The following CCND3 variants were observed in gnomAD, a reference collection of about 807,000 sequenced individuals.
The protein encoded by CCND3 is cyclin D3.
CCND3 carries 9 observed loss-of-function variants against 28.7 expected under a neutral mutation model. The observed-to-expected ratio is 0.31, with a 90% CI of 0.19 to 0.55. The LOEUF is 0.55. CCND3 is among the 20% of genes least tolerant of loss of function. The pLI, the probability that CCND3 is intolerant of heterozygous loss-of-function variation, is 0.93. For missense variants in CCND3, 315 were observed against 385.8 expected, an observed-to-expected ratio of 0.82 and a Z score of 1.54; for synonymous variants, 164 against 163.9, an observed-to-expected ratio of 1.00 and a Z score of 0.00.
In CCND3 at chr6:41,935,564, T is replaced by A. The variant is rs1195506853; in HGVS notation, c.*376A>T. On this transcript the variant is annotated 3_prime_UTR_variant, in exon 5 of 5. Coordinates refer to ENST00000372991, the MANE Select transcript of CCND3 (RefSeq NM_001760.5). ...CAATAACCCTAGAAGGGACAACACC[T>A]TTAGAAGGCACTAGAGCATTTTGGC... The A allele has an allele frequency of 4.5e-6, 2 of 442,936 alleles. No individual in the cohort carries two copies. Among genetic ancestry groups the A allele is most frequent in the Admixed American group, 3.5e-5 (1 of 28,228 alleles). The allele number at this position is 442,936 out of a possible 1,614,324, so 27.4% of individuals were successfully genotyped here. A position where few individuals can be genotyped will look rare whatever the true frequency, so the allele number is the denominator to read the frequency against.
At chr6:41,983,448 C>A (rs1005657588) in intron 1 of CCND3, among the ~76,000 whole-genome samples, 1 of 151,522 alleles carries the variant, frequency 6.6e-6, no homozygotes, top group Non-Finnish European at 1.5e-5. Flanking sequence ...TTAACATATC[C>A]ATAACATATA....
intron 1 of CCND3, among the ~76,000 whole-genome samples, chr6:42,015,033 A>G (rs944838502): frequency 5.9e-5 from 9 of 152,238 alleles, no homozygotes; most frequent in African/African-American, 2.2e-4. Context: ...AATAGCAAAT[A>G]TACATGTACA....
chr6:41,988,699 CTTTTTTTTTT>C (rs758582662), intron 1 of CCND3, among the ~76,000 whole-genome samples: 2 of 96,730 alleles, frequency 2.1e-5, no homozygotes, highest in Non-Finnish European at 4.6e-5. Flanking sequence ...AACTTCTTTT[CTTTTTTTTTT>C]TTTTTTTGAG....
chr6:41,935,618 G>GC lies in CCND3; in HGVS notation c.*321_*322insG. 5.8e-6 allele frequency: 2 copies of GC among 346,600 alleles called. No homozygotes were observed. The highest frequency in any genetic ancestry group is 9.8e-6 in the Non-Finnish European group (2 of 203,702). The allele number at this position is 346,600 out of a possible 1,614,324, so 21.5% of individuals were successfully genotyped here. A position where few individuals can be genotyped will look rare whatever the true frequency, so the allele number is the denominator to read the frequency against. On this transcript the variant is annotated 3_prime_UTR_variant, in exon 5 of 5. Transcript: ENST00000372991. The stretch of plus-strand genomic sequence containing the variant: ...TGAAAACATGAGAGCCCCCAGGGGT[G>GC]GGGGGGGGCGTTCAAAAGGAATGCT...
chr6:41,954,409 G>A (rs1776390987), intron 1 of CCND3, among the ~76,000 whole-genome samples: 1 of 151,110 alleles, frequency 6.6e-6, no homozygotes, highest in Non-Finnish European at 1.5e-5. Flanking sequence ...AATTTAGCCG[G>A]GTGTTGTGGC....
At chr6:41,973,651 TTGC>T (rs1266897220) in intron 1 of CCND3, among the ~76,000 whole-genome samples, 2 of 152,210 alleles carry the variant, frequency 1.3e-5, no homozygotes, top group Non-Finnish European at 2.9e-5. Flanking sequence ...TTGACAAGTC[TTGC>T]TCTGCCTTAG....
intron 1 of CCND3, among the ~76,000 whole-genome samples, chr6:41,970,387 G>A (rs1762005002): frequency 6.6e-6 from 1 of 152,054 alleles, no homozygotes; most frequent in Admixed American, 6.6e-5. Context: ...AAAACAAAAT[G>A]GGATGGTAAT....
At chr6:41,966,852 TA>T (rs1761901144) in intron 1 of CCND3, among the ~76,000 whole-genome samples, 1 of 152,184 alleles carries the variant, frequency 6.6e-6, no homozygotes, top group South Asian at 2.1e-4. Flanking sequence ...TTAAGCCCTC[TA>T]CAGCATGAAT....
rs944602982 is a variant in CCND3, at chr6:41,935,083, A to G, written c.*857T>C. 1 of 233,212 alleles carries G rather than the reference A, an allele frequency of 4.3e-6. No homozygotes were observed. Among genetic ancestry groups the G allele is most frequent in the African/African-American group, 2.2e-5 (1 of 45,372 alleles). 14.4% of individuals were successfully genotyped at this position (233,212 alleles called of 1,614,324 possible). ...TCTAGACAGGGGCTCAGCCACCTCC[A>G]GGGCATCCCTGCTGCATTTTCCCTG... On this transcript the variant is annotated 3_prime_UTR_variant, in exon 5 of 5. Transcript: ENST00000372991.
rs1198959981 is a variant in CCND3, at chr6:42,006,800, C to T, written c.-46+41701G>A. 2.4e-4 allele frequency among the ~76,000 whole-genome samples: 37 copies of T among 151,580 alleles called. 2 individuals carry two copies. In the South Asian group the frequency reaches 6.7e-3, roughly 27 times the overall value. On this transcript the variant is annotated intron_variant, in intron 1 of 4. Coordinates refer to the CCND3 transcript ENST00000372988. ...GCGGGCGCCTGTAGTCCCAGCTACT[C>T]GGGAGGCTGAGGCAGGAGAATGGTG...
chr6:42,003,754 CATGGT>C (rs1763091122), intron 1 of CCND3, among the ~76,000 whole-genome samples: 1 of 151,272 alleles, frequency 6.6e-6, no homozygotes, highest in Non-Finnish European at 1.5e-5. Context: ...GTCTGAGCAA[CATGGT>C]GAAACCCCAT....
intron 1 of CCND3, among the ~76,000 whole-genome samples, chr6:42,020,304 A>T (rs1763667617): frequency 6.6e-6 from 1 of 152,200 alleles, no homozygotes. Flanking sequence ...AAGAAAAAAG[A>T]AAAACCTTAA....
Position 42,040,255 on chromosome 6 carries a change from T to C in CCND3, c.-46+8246A>G, listed in dbSNP as rs188383673. Among the ~76,000 whole-genome samples the C allele has an allele frequency of 5.7e-3, 862 of 151,848 alleles. 10 individuals are homozygous for C. The highest frequency in any genetic ancestry group is 0.019 in the African/African-American group (779 of 41,438). ...CAACATGACGAAACCCTGTCTCTAC[T>C]AAAAATACAAAAATTAGCTGGGCAT... On this transcript the variant is annotated intron_variant, in intron 1 of 4. Coordinates refer to the CCND3 transcript ENST00000372988.
At chr6:41,962,040 A>G (rs1219752490) in intron 1 of CCND3, among the ~76,000 whole-genome samples, 1 of 152,136 alleles carries the variant, frequency 6.6e-6, no homozygotes, top group Non-Finnish European at 1.5e-5. Context: ...GACTCCTGCA[A>G]TAGCCTCTCT....
chr6:42,007,654 G>T (rs1001450315), intron 1 of CCND3, among the ~76,000 whole-genome samples: 3 of 152,142 alleles, frequency 2.0e-5, no homozygotes, highest in Non-Finnish European at 4.4e-5. Flanking sequence ...ATAAAATTAG[G>T]TGACGTAAAA....
chr6:42,026,768 G>A (rs1763887458), intron 1 of CCND3, among the ~76,000 whole-genome samples: 1 of 152,176 alleles, frequency 6.6e-6, no homozygotes, highest in African/African-American at 2.4e-5. Context: ...GTCATGCTCT[G>A]AAAAGGAAGG....
In CCND3 at chr6:41,976,183, C is replaced by A. The variant is rs527300163; in HGVS notation, c.-45-35598G>T. On this transcript the variant is annotated intron_variant, in intron 1 of 4. Coordinates refer to the CCND3 transcript ENST00000372988. ...CCTGGCCAACATGGTGAAACCATGTCTCCACTAAAAATACAAAAATTAGCT... is the reference window on the plus strand; with the variant it reads ...CCTGGCCAACATGGTGAAACCATGTATCCACTAAAAATACAAAAATTAGCT... Among the ~76,000 whole-genome samples, 34 of 152,194 alleles carry A rather than the reference C, an allele frequency of 2.2e-4. 2 individuals are homozygous for A. In the East Asian group the frequency reaches 5.2e-3, roughly 23 times the overall value.
intron 1 of CCND3, among the ~76,000 whole-genome samples, chr6:42,034,708 G>A (rs554556969): frequency 1.3e-4 from 19 of 150,288 alleles, no homozygotes; most frequent in Middle Eastern, 7.1e-3. Flanking sequence ...TCAATCTCCT[G>A]ACCTAGTGAT....
intron 1 of CCND3, among the ~76,000 whole-genome samples, chr6:41,951,621 G>A (rs9369316): frequency 2.0e-5 from 3 of 150,324 alleles, no homozygotes; most frequent in Non-Finnish European, 4.4e-5. Context: ...GCAGGAAGAA[G>A]AGGGCATCCA....
Sources: allele counts gnomAD v4.1 joint callset (sites outside exome capture counted in the v4.1 genomes callset), GRCh38; gene constraint gnomAD v4.1.1; transcripts MANE v1.5; gene names NCBI Gene and HGNC (gene_info 2026-07-23, HGNC 2026-07-21).